Variants in MPZL3 observed in about 807,000 individuals in gnomAD.
The protein encoded by MPZL3 is myelin protein zero-like protein 3.
A neutral mutation model predicts 24.8 loss-of-function variants in MPZL3; 23 were observed. The ratio of observed to expected loss-of-function variants is 0.93; its 90% CI spans 0.67 to 1.31. The LOEUF (loss-of-function observed/expected upper bound fraction) is 1.31, where lower values mean the gene tolerates loss of function less well. Ranked by LOEUF, MPZL3 falls within the 40% of genes most tolerant of loss-of-function variation. The pLI is 0.00. For missense variants in MPZL3, 277 were observed against 294.9 expected, an observed-to-expected ratio of 0.94 and a Z score of 0.44; for synonymous variants, 99 against 106.5, an observed-to-expected ratio of 0.93 and a Z score of 0.44.
chr11:118,244,815 G>A (rs535769891), intron 1 of MPZL3, among the ~76,000 whole-genome samples: 5 of 152,316 alleles, frequency 3.3e-5, no homozygotes, highest in South Asian at 2.1e-4. Context: ...GGTGGCTCAC[G>A]CCTGTAATCC....
At chr11:118,229,987 G>A in intron 5 of MPZL3, 67 bp from the exon 6 acceptor site, 1 of 1,246,496 alleles carries the variant, frequency 8.0e-7, no homozygotes, top group Non-Finnish European at 1.1e-6. Context: ...AAGACCACAT[G>A]TTAGGATCCT....
At position 118,244,804 on chromosome 11, in the gene MPZL3, C is replaced by T. The variant is rs180856162; in HGVS notation, c.74-4427G>A. 5.3e-5 allele frequency among the ~76,000 whole-genome samples: 8 copies of T among 152,270 alleles called. 1 individual carries two copies. In the South Asian group the frequency reaches 6.2e-4, roughly 12 times the overall value. ...TTAAAAGATCACTTTAGGCTGGGCG[C>T]GGTGGCTCACGCCTGTAATCCCAGC... On this transcript the variant is annotated intron_variant, in intron 1 of 5. Coordinates refer to ENST00000278949, the MANE Select transcript of MPZL3 (RefSeq NM_198275.3).
intron 1 of MPZL3, among the ~76,000 whole-genome samples, chr11:118,247,027 G>C (rs1949563256): frequency 6.6e-6 from 1 of 152,142 alleles, no homozygotes; most frequent in African/African-American, 2.4e-5. Context: ...TGGGCAACCT[G>C]ACAGGGGCTG....
chr11:118,246,581 T>TTTTC (rs1565496396), intron 1 of MPZL3, among the ~76,000 whole-genome samples: 1 of 99,934 alleles, frequency 1.0e-5, no homozygotes, highest in Admixed American at 1.0e-4. Flanking sequence ...TCTTTTTTTC[T>TTTTC]TTTCTTTTTT....
intron 2 of MPZL3, among the ~76,000 whole-genome samples, chr11:118,239,682 G>A (rs757699717): frequency 1.4e-4 from 22 of 152,102 alleles, no homozygotes; most frequent in Non-Finnish European, 2.5e-4. Flanking sequence ...TCACCAACAC[G>A]AGGTGCCACC....
rs7110939 is a variant in MPZL3, at chr11:118,234,756, C to G, written c.617+668G>C. Among the ~76,000 whole-genome samples the G allele has an allele frequency of 3.6e-3, 552 of 151,842 alleles. 1 individual carries two copies. Among genetic ancestry groups the G allele is most frequent in the African/African-American group, 0.012 (507 of 41,434 alleles). On this transcript the variant is annotated intron_variant, in intron 4 of 5. Coordinates refer to ENST00000278949, the MANE Select transcript of MPZL3 (RefSeq NM_198275.3). ...ACACACACACATACACACACACACACAGAGAGAGATTGAATTTTGGACCTT... is the reference window on the plus strand; with the variant it reads ...ACACACACACATACACACACACACAGAGAGAGAGATTGAATTTTGGACCTT...
intron 3 of MPZL3, 40 bp from the exon 4 acceptor site, chr11:118,235,629 C>A (rs543446555): frequency 6.3e-7 from 1 of 1,596,690 alleles, no homozygotes; most frequent in South Asian, 1.1e-5. Flanking sequence ...CAGGGACATG[C>A]AAATATGCCT....
At chr11:118,249,212 C>T (rs956211030) in intron 1 of MPZL3, among the ~76,000 whole-genome samples, 7 of 152,176 alleles carry the variant, frequency 4.6e-5, no homozygotes, top group African/African-American at 1.7e-4. Context: ...GAAAGAAGCA[C>T]AAAAGAAGGC....
chr11:118,237,158 T>A lies in MPZL3; in HGVS notation c.343A>T (p.Ile115Leu). ...TTGTCCTTTATGGTAGGGTTGCTTA[T>A]ACTTATAGATGCATCCCCTTTGTAT... is the stretch of plus-strand genomic sequence containing the variant. ...NVYKGDASIS[I>L]SNPTIKDNGT... The change falls in exon 3 of 6, where the codon ATA (isoleucine) becomes TTA (leucine). Residue 115 changes from isoleucine (I) to leucine (L), a missense_variant. Ile to Leu is a conservative substitution (Grantham distance 5). Transcript: ENST00000278949. 6.2e-7 allele frequency: 1 copy of A among 1,614,128 alleles called. No individual in the cohort carries two copies. The highest frequency in any genetic ancestry group is 8.5e-7 in the Non-Finnish European group (1 of 1,179,974).
chr11:118,237,128 T>C lies in MPZL3; in HGVS notation c.373A>G (p.Thr125Ala), dbSNP rs1158560466. 5 of 1,614,150 alleles carry C rather than the reference T, an allele frequency of 3.1e-6. No individual in the cohort carries two copies. In the East Asian group the frequency reaches 8.9e-5, roughly 29 times the overall value. ...ISNPTIKDNG[T>A]FSCAVKNPPD... ...GGATTCTTCACAGCACAGCTGAATGTCCCATTGTCCTTTATGGTAGGGTTG... is the reference window on the plus strand; with the variant it reads ...GGATTCTTCACAGCACAGCTGAATGCCCCATTGTCCTTTATGGTAGGGTTG... The change falls in exon 3 of 6, where the codon ACA becomes GCA. Residue 125 changes from threonine (T) to alanine (A), a missense_variant. By Grantham distance (58) the Thr-to-Ala change is moderately conservative. Transcript: ENST00000278949.
rs71041823 is a variant in MPZL3 at position 118,250,168 on chromosome 11, ATTTTTTTTTTTT to A, written c.73+2042_73+2053del. ...AGGGGCATGTCACCACACCTGGCTA[ATTTTTTTTTTTT>A]TTTTTTTTTTTTTTTGTATTTTTTG... On this transcript the variant is annotated intron_variant, in intron 1 of 5. Transcript: ENST00000278949. Among the ~76,000 whole-genome samples, 10 of 104,260 alleles carry A rather than the reference ATTTTTTTTTTTT, an allele frequency of 9.6e-5. 1 individual carries two copies. Among genetic ancestry groups the A allele is most frequent in the Admixed American group, 6.8e-4 (6 of 8,760 alleles). 68.4% of individuals were successfully genotyped at this position (104,260 alleles called of 152,430 possible). A position where few individuals can be genotyped will look rare whatever the true frequency, so the allele number is the denominator to read the frequency against.
rs1428116392 is a variant in MPZL3 at position 118,252,248 on chromosome 11, G to A, written c.47C>T (p.Pro16Leu). The A allele has an allele frequency of 6.2e-7, 1 of 1,613,982 alleles. No individual in the cohort carries two copies. Among genetic ancestry groups the A allele is most frequent in the Admixed American group, 1.7e-5 (1 of 60,028 alleles). ...AAGSRGCALFPLLGVLFFQGV... is the reference protein window; with the variant it reads ...AAGSRGCALFLLLGVLFFQGV... The stretch of plus-strand genomic sequence containing the variant: ...CTGGAAGAACAGGACGCCCAGCAGA[G>A]GGAAGAGAGCGCAGCCACGGCTTCC... The change falls in exon 1 of 6, where the codon CCT (proline) becomes CTT (leucine). Residue 16 changes from proline to leucine, a missense_variant. Physicochemically the swap from Pro to Leu is moderately conservative, Grantham distance 98. Transcript: ENST00000278949.
At chr11:118,230,376 A>C (rs575478747) in intron 5 of MPZL3, among the ~76,000 whole-genome samples, 1 of 152,310 alleles carries the variant, frequency 6.6e-6, no homozygotes, top group South Asian at 2.1e-4. Flanking sequence ...TCTAAGCCTC[A>C]GTTTCCTCAT....
chr11:118,251,851 T>C (rs939275), intron 1 of MPZL3, among the ~76,000 whole-genome samples: 13,718 of 152,232 alleles, frequency 0.09, 2,060 homozygotes, highest in African/African-American at 0.31. Context: ...ATGCTAGAAC[T>C]GTTTTCTTTC....
chr11:118,242,914 T>A (rs10790247), intron 1 of MPZL3, among the ~76,000 whole-genome samples: 1 of 151,992 alleles, frequency 6.6e-6, no homozygotes, highest in South Asian at 2.1e-4. Context: ...AGAGGGACAC[T>A]GAGAGAAACA....
At chr11:118,245,169 T>C (rs1591497478) in intron 1 of MPZL3, among the ~76,000 whole-genome samples, 1 of 150,784 alleles carries the variant, frequency 6.6e-6, no homozygotes, top group African/African-American at 2.4e-5. Flanking sequence ...CAGGCAGAGG[T>C]GGGTGGATCA....
intron 5 of MPZL3, 109 bp downstream of exon 5, chr11:118,233,351 G>C: frequency 8.2e-7 from 1 of 1,219,936 alleles, no homozygotes; most frequent in Non-Finnish European, 1.2e-6. Flanking sequence ...TATCTTGCTT[G>C]GACCTACCTG....
At chr11:118,241,886 T>C (rs1446699903) in intron 1 of MPZL3, among the ~76,000 whole-genome samples, 1 of 152,224 alleles carries the variant, frequency 6.6e-6, no homozygotes, top group African/African-American at 2.4e-5. Flanking sequence ...TGGCACCCTT[T>C]CCGACTTTGC....
rs1949324000 is a variant in MPZL3, at chr11:118,229,712, TAAA to T, written c.*179_*181del. 3 of 553,774 alleles carry T rather than the reference TAAA, an allele frequency of 5.4e-6. No individual in the cohort carries two copies. Among genetic ancestry groups the T allele is most frequent in the Admixed American group, 3.5e-5 (1 of 28,770 alleles). The allele number at this position is 553,774 out of a possible 1,614,324, so 34.3% of individuals were successfully genotyped here. A position where few individuals can be genotyped will look rare whatever the true frequency, so the allele number is the denominator to read the frequency against. The stretch of plus-strand genomic sequence containing the variant: ...CTTATGAGAGTTCCTGAACAGTTTA[TAAA>T]TACAACAAGAACATTTATTCAATAA... On this transcript the variant is annotated 3_prime_UTR_variant, in exon 6 of 6. Coordinates refer to ENST00000278949, the MANE Select transcript of MPZL3 (RefSeq NM_198275.3).
Sources: gnomAD v4.1 joint callset for allele counts (sites outside exome capture counted in the v4.1 genomes callset) on GRCh38, gnomAD v4.1.1 for gene constraint, MANE v1.5 for transcripts, NCBI Gene and HGNC (gene_info 2026-07-23, HGNC 2026-07-21) for gene names.